The following NRXN1 variants were observed in gnomAD, a reference collection of about 807,000 sequenced individuals.
NRXN1 encodes the protein neurexin 1.
In NRXN1, 39 loss-of-function variants were observed where a neutral mutation model predicts 150.9. That is an observed-to-expected ratio of 0.26 (90% CI 0.20 to 0.34). NRXN1 has a LOEUF of 0.34. Among genes scored for constraint, NRXN1 ranks in the 10% least tolerant of loss-of-function variants. The pLI is 1.00. For missense variants in NRXN1, 1,815 were observed against 1,949.9 expected (o/e 0.93, Z 1.30); for synonymous variants, 924 against 757.0 (o/e 1.22, Z -3.62).
Position 49,921,755 on chromosome 2 carries a change from TGTTTTTC to T in NRXN1, c.*182_*188del. On this transcript the variant is annotated 3_prime_UTR_variant, in exon 23 of 23. Coordinates refer to ENST00000401669, the MANE Select transcript of NRXN1 (RefSeq NM_001330078.2). ...TTATTGGCCCCTGTTTTTTGTTTTT[TGTTTTTC>T]TTTTTTGAGAAACAAGAGCATGAGA... 1 of 637,098 alleles carries T rather than the reference TGTTTTTC, an allele frequency of 1.6e-6. No homozygotes were observed. The allele number at this position is 637,098 out of a possible 1,614,324, so 39.5% of individuals were successfully genotyped here. A position where few individuals can be genotyped will look rare whatever the true frequency, so the allele number is the denominator to read the frequency against.
At chr2:50,163,164 G>GTACATATATATATATATATATATATATA (rs1553695027) in intron 18 of NRXN1, among the ~76,000 whole-genome samples, 2 of 141,752 alleles carry the variant, frequency 1.4e-5, no homozygotes, top group Non-Finnish European at 3.1e-5. Flanking sequence ...AATCCAAAAT[G>GTACATATATATATATATATATATATATA]TATATATATA....
chr2:50,751,035 G>C (rs1017032356), intron 5 of NRXN1, among the ~76,000 whole-genome samples: 2 of 151,948 alleles, frequency 1.3e-5, no homozygotes, highest in African/African-American at 2.4e-5. Flanking sequence ...AGGAGGTGGA[G>C]GAAGAGGAGG....
intron 21 of NRXN1, among the ~76,000 whole-genome samples, chr2:50,038,849 CAACA>C (rs1376740054): frequency 1.5e-5 from 2 of 135,294 alleles, no homozygotes; most frequent in Admixed American, 8.4e-5. Flanking sequence ...AAAGCAAAAC[CAACA>C]AACAAACTAA....
intron 22 of NRXN1, among the ~76,000 whole-genome samples, chr2:49,934,787 C>T (rs533420245): frequency 1.3e-5 from 2 of 151,850 alleles, no homozygotes; most frequent in Middle Eastern, 6.8e-3. Flanking sequence ...CTCTCCCTTT[C>T]TCTCTCTCTC....
intron 5 of NRXN1, among the ~76,000 whole-genome samples, chr2:50,874,028 G>T (rs949782026): frequency 8.6e-5 from 13 of 151,830 alleles, no homozygotes; most frequent in African/African-American, 3.1e-4. Context: ...TGCCTCATAT[G>T]GTTTTCTAGG....
At chr2:50,679,098 T>A (rs867246662) in intron 5 of NRXN1, among the ~76,000 whole-genome samples, 1 of 151,976 alleles carries the variant, frequency 6.6e-6, no homozygotes, top group Non-Finnish European at 1.5e-5. Flanking sequence ...TCGGGCTACA[T>A]TGAGATTTTC....
intron 17 of NRXN1, among the ~76,000 whole-genome samples, chr2:50,250,430 T>C (rs1440270524): frequency 8.1e-6 from 1 of 124,054 alleles, no homozygotes; most frequent in African/African-American, 3.1e-5. Context: ...AAGTCACTTT[T>C]TAATATTTTT....
chr2:50,925,968 G>A lies in NRXN1; in HGVS notation c.773-13C>T, dbSNP rs1686809351. 6.4e-7 allele frequency: 1 copy of A among 1,569,426 alleles called. No individual in the cohort carries two copies. The highest frequency in any genetic ancestry group is 1.7e-4 in the Middle Eastern group (1 of 5,996). ...ACATTGTTGTCTTCTGAAAGCACATGACAAGGAGGGAGAGAAAAGGAAAAA... is the reference window on the plus strand; with the variant it reads ...ACATTGTTGTCTTCTGAAAGCACATAACAAGGAGGGAGAGAAAAGGAAAAA... On this transcript the variant is annotated splice_polypyrimidine_tract_variant and intron_variant, in intron 2 of 22. Coordinates refer to ENST00000401669, the MANE Select transcript of NRXN1 (RefSeq NM_001330078.2).
At chr2:50,212,149 AT>A (rs1323454431) in intron 18 of NRXN1, among the ~76,000 whole-genome samples, 4 of 151,786 alleles carry the variant, frequency 2.6e-5, no homozygotes, top group African/African-American at 4.8e-5. Flanking sequence ...ATTTTTCCAA[AT>A]TTATAATTGA....
intron 21 of NRXN1, among the ~76,000 whole-genome samples, chr2:49,996,286 T>C (rs1257912276): frequency 6.6e-6 from 1 of 152,046 alleles, no homozygotes; most frequent in Non-Finnish European, 1.5e-5. Context: ...TCTCAGGACA[T>C]GTAGAGAAGG....
intron 5 of NRXN1, among the ~76,000 whole-genome samples, chr2:50,696,994 G>C (rs1277005068): frequency 6.6e-6 from 1 of 152,036 alleles, no homozygotes; most frequent in Non-Finnish European, 1.5e-5. Context: ...CTCATTGAGA[G>C]CATATTACTT....
At chr2:50,962,336 G>A (rs2104701999) in intron 2 of NRXN1, among the ~76,000 whole-genome samples, 1 of 151,672 alleles carries the variant, frequency 6.6e-6, no homozygotes, top group South Asian at 2.1e-4. Flanking sequence ...ATCCCTTGAG[G>A]CCTCTTGTTT....
intron 13 of NRXN1, among the ~76,000 whole-genome samples, chr2:50,500,655 G>GATCACA (rs1399048466): frequency 6.6e-6 from 1 of 152,158 alleles, no homozygotes; most frequent in Non-Finnish European, 1.5e-5. Context: ...AAATGCCTCT[G>GATCACA]ATCACAATAT....
chr2:50,932,757 A>C (rs1687949732), intron 2 of NRXN1, among the ~76,000 whole-genome samples: 1 of 152,126 alleles, frequency 6.6e-6, no homozygotes, highest in African/African-American at 2.4e-5. Context: ...GTGCTAGAAA[A>C]ACACACACAC....
At chr2:50,429,399 G>A (rs1285942016) in intron 17 of NRXN1, among the ~76,000 whole-genome samples, 7 of 152,046 alleles carry the variant, frequency 4.6e-5, no homozygotes. Flanking sequence ...TGAAATTACA[G>A]GCACATGCCA....
At chr2:50,296,325 A>G (rs2073552236) in intron 17 of NRXN1, among the ~76,000 whole-genome samples, 1 of 152,190 alleles carries the variant, frequency 6.6e-6, no homozygotes, top group Non-Finnish European at 1.5e-5. Flanking sequence ...ATTTCATGCA[A>G]TTGCCACAAG....
intron 5 of NRXN1, among the ~76,000 whole-genome samples, chr2:50,851,193 G>A (rs1290382999): frequency 6.6e-6 from 1 of 152,090 alleles, no homozygotes; most frequent in Non-Finnish European, 1.5e-5. Context: ...CCTGCCTTAA[G>A]AGGAGCCATA....
chr2:50,664,449 G>C (rs1337494427), intron 5 of NRXN1, among the ~76,000 whole-genome samples: 2 of 150,030 alleles, frequency 1.3e-5, no homozygotes, highest in Non-Finnish European at 3.0e-5. Context: ...GGCGTGGCGG[G>C]GGCGGGTGGG....
At chr2:50,250,492 T>G (rs1309352614) in intron 17 of NRXN1, among the ~76,000 whole-genome samples, 1 of 152,084 alleles carries the variant, frequency 6.6e-6, no homozygotes, top group Non-Finnish European at 1.5e-5. Context: ...TCTTATCTCT[T>G]TGTCTCTTGA....
Sources: gnomAD v4.1 joint callset for allele counts (sites outside exome capture counted in the v4.1 genomes callset) on GRCh38, gnomAD v4.1.1 for gene constraint, MANE v1.5 for transcripts, NCBI Gene and HGNC (gene_info 2026-07-23, HGNC 2026-07-21) for gene names.